Variants in HTR2A observed in about 807,000 individuals in gnomAD.
HTR2A encodes the protein 5-HT2 receptor.
In HTR2A, 14 loss-of-function variants were observed where a neutral mutation model predicts 31.0. That is an observed-to-expected ratio of 0.45 (90% CI 0.30 to 0.71). The LOEUF is 0.71. HTR2A is among the 30% of genes least tolerant of loss of function. The pLI is 0.09. For missense variants in HTR2A, 442 were observed against 573.3 expected (o/e 0.77, Z 2.34); for synonymous variants, 209 against 225.2 (o/e 0.93, Z 0.64).
chr13:46,853,427 T>C (rs1302651452), intron 3 of HTR2A, among the ~76,000 whole-genome samples: 1 of 152,234 alleles, frequency 6.6e-6, no homozygotes, highest in Non-Finnish European at 1.5e-5. Flanking sequence ...TCCCTTGCTG[T>C]GTGCTCTCAG....
rs140234299 is a variant in HTR2A, at chr13:46,891,796, G to A, written c.613+594C>T. 8.5e-5 allele frequency among the ~76,000 whole-genome samples: 13 copies of A among 152,312 alleles called. No individual in the cohort carries two copies. The East Asian group carries it at 1.7e-3, about 20-fold the overall frequency. On this transcript the variant is annotated intron_variant, in intron 3 of 3. Transcript: ENST00000542664. ...TGTGTGACAGAAGATCAATACTGGC[G>A]AGAGATGAATATATGTAATCAACCT...
In HTR2A at chr13:46,896,939, A is replaced by G. The variant is rs955670904; in HGVS notation, c.-594T>C. ...GTGCGGCTCGCCTCAGCAGGCACAC[A>G]TTTAGAAATCATTCACGAGCCCCTC... On this transcript the variant is annotated 5_prime_UTR_variant, in exon 1 of 4. An upstream start codon of the reference 5' UTR is lost. Transcript: ENST00000542664. 1.2e-4 allele frequency: 112 copies of G among 899,486 alleles called. 1 individual carries two copies. The South Asian group carries it at 1.3e-3, about 10-fold the overall frequency. 55.7% of individuals were successfully genotyped at this position (899,486 alleles called of 1,614,324 possible).
At chr13:46,872,858 A>G (rs1202701413) in intron 3 of HTR2A, among the ~76,000 whole-genome samples, 1 of 151,964 alleles carries the variant, frequency 6.6e-6, no homozygotes, top group Non-Finnish European at 1.5e-5. Flanking sequence ...TTCTCTGGGA[A>G]TGGGCCCTGA....
intron 2 of HTR2A, among the ~76,000 whole-genome samples, chr13:46,894,040 A>G (rs1319056003): frequency 6.6e-6 from 1 of 152,246 alleles, no homozygotes; most frequent in African/African-American, 2.4e-5. Context: ...TTCGGAACAG[A>G]TGTCGGCCCT....
At chr13:46,872,713 G>A (rs760230618) in intron 3 of HTR2A, among the ~76,000 whole-genome samples, 53 of 152,074 alleles carry the variant, frequency 3.5e-4, no homozygotes, top group Non-Finnish European at 7.4e-4. Flanking sequence ...CAAAAGCCCC[G>A]AAATTTAAAA....
chr13:46,848,403 G>A (rs1263960804), intron 3 of HTR2A, among the ~76,000 whole-genome samples: 2 of 152,284 alleles, frequency 1.3e-5, no homozygotes, highest in Non-Finnish European at 1.5e-5. Context: ...AGAGCTTAGC[G>A]ATTATCTAAG....
intron 3 of HTR2A, among the ~76,000 whole-genome samples, chr13:46,861,272 C>T (rs886632968): frequency 4.6e-5 from 7 of 152,094 alleles, no homozygotes; most frequent in African/African-American, 2.4e-5. Flanking sequence ...CTTGGGCTGA[C>T]GTGCAAAAGA....
chr13:46,876,968 G>A (rs1220238496), intron 3 of HTR2A, among the ~76,000 whole-genome samples: 2 of 152,076 alleles, frequency 1.3e-5, no homozygotes, highest in Admixed American at 6.5e-5. Flanking sequence ...TTAAATAAGT[G>A]AGCTTATTGG....
At chr13:46,887,728 A>C (rs1299235051) in intron 3 of HTR2A, among the ~76,000 whole-genome samples, 1 of 152,220 alleles carries the variant, frequency 6.6e-6, no homozygotes, top group African/African-American at 2.4e-5. Flanking sequence ...GGCAGATTAG[A>C]AGTAGCTGAT....
chr13:46,884,107 T>C (rs1950987499), intron 3 of HTR2A, among the ~76,000 whole-genome samples: 1 of 152,228 alleles, frequency 6.6e-6, no homozygotes, highest in African/African-American at 2.4e-5. Context: ...CATGATGCAG[T>C]TATAACAGCT....
chr13:46,883,435 C>T (rs912272897), intron 3 of HTR2A, among the ~76,000 whole-genome samples: 1 of 152,152 alleles, frequency 6.6e-6, no homozygotes. Context: ...AAAATTACCC[C>T]ATAAACTGCA....
At chr13:46,839,315 C>T (rs1191183671) in intron 3 of HTR2A, among the ~76,000 whole-genome samples, 1 of 152,040 alleles carries the variant, frequency 6.6e-6, no homozygotes, top group Admixed American at 6.6e-5. Context: ...GAAAGAATAA[C>T]CAGAAAGTTA....
Position 46,895,867 on chromosome 13 carries a change from T to C in HTR2A, c.40A>G (p.Thr14Ala), listed in dbSNP as rs747855847. 2.5e-6 allele frequency: 4 copies of C among 1,613,382 alleles called. No homozygotes were observed. The highest frequency in any genetic ancestry group is 3.4e-6 in the Non-Finnish European group (4 of 1,179,732). The change falls in exon 2 of 4, where the codon ACT becomes GCT. Residue 14 changes from threonine (T) to alanine (A), a missense_variant. By Grantham distance (58) the Thr-to-Ala change is moderately conservative. This residue lies in a region of HTR2A where 83 missense variants were observed against 84.8 expected (regional missense o/e 0.98). Transcript: ENST00000542664. This position sits in a 1 kb window ranked among gnomAD's most constrained non-coding sequence, Gnocchi z 4.4. ...LCEENTSLSS[T>A]TNSLMQLNDD... ...TTTAATTGCATTAGGGAGTTCGTAG[T>C]TGAGCTCAAAGAAGTATTTTCTTCA... is the stretch of plus-strand genomic sequence containing the variant.
At chr13:46,837,940 T>C (rs55948462) in intron 3 of HTR2A, among the ~76,000 whole-genome samples, 19,480 of 152,250 alleles carry the variant, frequency 0.13, 1,402 homozygotes, top group Admixed American at 0.19. Flanking sequence ...AGGACACTTA[T>C]TGTGGCTAAT....
rs17069020 is a variant in HTR2A at position 46,851,115 on chromosome 13, T to C, written c.614-15476A>G. 1.9e-3 allele frequency among the ~76,000 whole-genome samples: 295 copies of C among 152,356 alleles called. 4 individuals are homozygous for C. The highest frequency in any genetic ancestry group is 7.0e-3 in the African/African-American group (289 of 41,578). ...CCAATACTCTGCAACACAAAAAAGA[T>C]TCTGAATCACTGAGCCTGGGTGTAC... On this transcript the variant is annotated intron_variant, in intron 3 of 3. Transcript: ENST00000542664.
chr13:46,845,713 A>C (rs900378150), intron 3 of HTR2A, among the ~76,000 whole-genome samples: 1 of 151,940 alleles, frequency 6.6e-6, no homozygotes. Flanking sequence ...GAAAACTAGG[A>C]TCTTACAGGG....
chr13:46,871,757 C>T (rs1950864523), intron 3 of HTR2A, among the ~76,000 whole-genome samples: 2 of 152,062 alleles, frequency 1.3e-5, no homozygotes, highest in South Asian at 4.2e-4. Flanking sequence ...TATGGCTCTG[C>T]GGGTCATGTG....
chr13:46,840,643 G>A lies in HTR2A; in HGVS notation c.614-5004C>T, dbSNP rs377164563. On this transcript the variant is annotated intron_variant, in intron 3 of 3. Transcript: ENST00000542664. ...GGGGCAAAATCAAGACCTCTACTCA[G>A]GGTTCTTAATTCTTATGGTGGATTT... 2.1e-4 allele frequency among the ~76,000 whole-genome samples: 32 copies of A among 152,092 alleles called. 1 individual carries two copies. Among genetic ancestry groups the A allele is most frequent in the African/African-American group, 7.7e-4 (32 of 41,514 alleles).
intron 3 of HTR2A, among the ~76,000 whole-genome samples, chr13:46,857,315 AT>A (rs1460152158): frequency 6.6e-6 from 1 of 151,168 alleles, no homozygotes; most frequent in East Asian, 1.9e-4. Context: ...AAAAAAAAAA[AT>A]CATTGCCCAC....
Sources: gnomAD v4.1 joint callset for allele counts (sites outside exome capture counted in the v4.1 genomes callset) on GRCh38, gnomAD v4.1.1 for gene constraint, gnomAD v4.1.1 regional missense constraint, Gnocchi (gnomAD v3.1) non-coding constraint, MANE v1.5 for transcripts, NCBI Gene and HGNC (gene_info 2026-07-23, HGNC 2026-07-21) for gene names.